The following FA2H variants were observed in gnomAD, a reference collection of about 807,000 sequenced individuals.
FA2H encodes fatty acid 2-hydroxylase, also known as fatty acid alpha-hydroxylase.
Under a neutral mutation model 44.9 loss-of-function variants are expected in FA2H, and 22 were observed. That is an observed-to-expected ratio of 0.49 (90% CI 0.35 to 0.70). The LOEUF (loss-of-function observed/expected upper bound fraction) is 0.70, where lower values mean the gene tolerates loss of function less well. Among genes scored for constraint, FA2H ranks in the 30% least tolerant of loss-of-function variants. The pLI is 0.01. For synonymous variants in FA2H, 243 were observed against 213.2 expected, an observed-to-expected ratio of 1.14 and a Z score of -1.22; for missense variants, 501 against 504.9, an observed-to-expected ratio of 0.99 and a Z score of 0.07.
At chr16:74,716,051 GTGATCT>G (rs1200361776) in intron 6 of FA2H, among the ~76,000 whole-genome samples, 1 of 152,130 alleles carries the variant, frequency 6.6e-6, no homozygotes, top group Non-Finnish European at 1.5e-5. Flanking sequence ...CTGACCTCAA[GTGATCT>G]ACCTGCCTCG....
intron 1 of FA2H, among the ~76,000 whole-genome samples, chr16:74,742,891 G>A (rs1463068326): frequency 6.6e-6 from 1 of 152,048 alleles, no homozygotes; most frequent in East Asian, 1.9e-4. Flanking sequence ...TAAACAAGAG[G>A]AAATTTCAAT....
intron 1 of FA2H, among the ~76,000 whole-genome samples, chr16:74,754,654 A>G (rs1331432376): frequency 6.6e-6 from 1 of 152,008 alleles, no homozygotes; most frequent in Non-Finnish European, 1.5e-5. Flanking sequence ...TAGCCTCCTG[A>G]GTAGCTGAGA....
chr16:74,747,619 A>T (rs241378), intron 1 of FA2H, among the ~76,000 whole-genome samples: 1 of 151,832 alleles, frequency 6.6e-6, no homozygotes, highest in Non-Finnish European at 1.5e-5. Flanking sequence ...ACAGACACAC[A>T]CGTGTGAAGA....
intron 1 of FA2H, among the ~76,000 whole-genome samples, chr16:74,753,763 C>G (rs919256642): frequency 9.9e-5 from 15 of 152,170 alleles, no homozygotes; most frequent in Non-Finnish European, 1.5e-4. Context: ...TGTCCTTATC[C>G]TTCTAGGACA....
intron 1 of FA2H, among the ~76,000 whole-genome samples, chr16:74,746,872 G>A (rs1362112964): frequency 6.6e-6 from 1 of 152,220 alleles, no homozygotes; most frequent in Non-Finnish European, 1.5e-5. Context: ...GGGCAGGTAG[G>A]CACCAGAGGG....
intron 5 of FA2H, 105 bp downstream of exon 5, chr16:74,718,883 C>G: frequency 7.3e-7 from 1 of 1,368,648 alleles, no homozygotes; most frequent in South Asian, 1.2e-5. Flanking sequence ...TCCCAACCCA[C>G]AGCCAGACTC....
At chr16:74,719,193 C>T (rs763367012) in intron 4 of FA2H, 33 bp from the exon 5 acceptor site, 17 of 1,594,004 alleles carry the variant, frequency 1.1e-5, no homozygotes, top group South Asian at 8.8e-5. Flanking sequence ...AGGTGAGGAC[C>T]GGTGCATAGC....
chr16:74,725,531 C>T (rs13338469), intron 4 of FA2H, among the ~76,000 whole-genome samples: 13,257 of 152,248 alleles, frequency 0.087, 653 homozygotes, highest in East Asian at 0.21. Context: ...GAAGCTGGGG[C>T]GCACCTGGTA....
intron 4 of FA2H, among the ~76,000 whole-genome samples, chr16:74,719,596 G>A (rs1423731552): frequency 6.6e-6 from 1 of 152,164 alleles, no homozygotes; most frequent in Non-Finnish European, 1.5e-5. Flanking sequence ...GGAGGGCAGT[G>A]GTGTGATTAC....
chr16:74,740,223 T>C, intron 1 of FA2H, 108 bp from the exon 2 acceptor site: 1 of 836,350 alleles, frequency 1.2e-6, no homozygotes, highest in East Asian at 2.4e-5. Context: ...GCCCCGTGGG[T>C]GGGGCAGGGT....
intron 1 of FA2H, among the ~76,000 whole-genome samples, chr16:74,753,265 G>T (rs937581962): frequency 2.0e-5 from 3 of 152,232 alleles, no homozygotes; most frequent in African/African-American, 7.2e-5. Flanking sequence ...TTAGGCTCCA[G>T]ATCCTAGACT....
chr16:74,718,881 C>T (rs1218350426), intron 5 of FA2H, 107 bp downstream of exon 5: 2 of 1,355,480 alleles, frequency 1.5e-6, no homozygotes, highest in Non-Finnish European at 2.1e-6. Flanking sequence ...CCTCCCAACC[C>T]ACAGCCAGAC....
In FA2H at chr16:74,741,834, GTGTAT is replaced by G. The variant is rs1298224889; in HGVS notation, c.271-1724_271-1720del. ...TGTGTGTGTGTGTGTGTGTGTGTGT[GTGTAT>G]GTGTGTGTATGTGTGTATGTGTGTG... is the stretch of plus-strand genomic sequence containing the variant. On this transcript the variant is annotated intron_variant, in intron 1 of 6. Coordinates refer to ENST00000219368, the MANE Select transcript of FA2H (RefSeq NM_024306.5). 7.5e-3 allele frequency among the ~76,000 whole-genome samples: 561 copies of G among 74,452 alleles called. 7 individuals carry two copies. Among genetic ancestry groups the G allele is most frequent in the East Asian group, 0.03 (54 of 1,806 alleles). 48.8% of individuals were successfully genotyped at this position (74,452 alleles called of 152,430 possible).
At chr16:74,716,113 C>A (rs1961689923) in intron 6 of FA2H, among the ~76,000 whole-genome samples, 1 of 152,210 alleles carries the variant, frequency 6.6e-6, no homozygotes, top group Non-Finnish European at 1.5e-5. Flanking sequence ...AGCCACCACA[C>A]CCAGCCCCTT....
chr16:74,717,976 C>T (rs576800387), intron 5 of FA2H, among the ~76,000 whole-genome samples: 2 of 152,176 alleles, frequency 1.3e-5, no homozygotes, highest in Non-Finnish European at 2.9e-5. Context: ...GCCTGGGCTG[C>T]GCTACCTCTG....
chr16:74,744,660 C>G (rs558408458), intron 1 of FA2H, among the ~76,000 whole-genome samples: 9 of 152,208 alleles, frequency 5.9e-5, no homozygotes, highest in African/African-American at 2.2e-4. Flanking sequence ...ATCTATTGCT[C>G]AGGCTGCTCT....
At chr16:74,727,066 G>C (rs1319843755) in intron 3 of FA2H, among the ~76,000 whole-genome samples, 178 bp downstream of exon 3, 1 of 152,232 alleles carries the variant, frequency 6.6e-6, no homozygotes, top group Admixed American at 6.5e-5. Flanking sequence ...GACCCACCCA[G>C]TGGACAAAAC....
At chr16:74,725,807 G>A in intron 4 of FA2H, 1 of 302,776 alleles carries the variant, frequency 3.3e-6, no homozygotes, top group South Asian at 3.1e-5. Context: ...TCTCTCCCAA[G>A]TTCTCTGCTA....
At chr16:74,729,673 T>A (rs1307567605) in intron 2 of FA2H, among the ~76,000 whole-genome samples, 1 of 152,204 alleles carries the variant, frequency 6.6e-6, no homozygotes, top group Non-Finnish European at 1.5e-5. Flanking sequence ...CTGGACCGAA[T>A]CCAGGAAAGA....
Sources: gnomAD v4.1 joint callset for allele counts (sites outside exome capture counted in the v4.1 genomes callset) on GRCh38, gnomAD v4.1.1 for gene constraint, MANE v1.5 for transcripts, NCBI Gene and HGNC (gene_info 2026-07-23, HGNC 2026-07-21) for gene names.